The following PCDHGA3 variants were observed in gnomAD, a reference collection of about 807,000 sequenced individuals.
The protein encoded by PCDHGA3 is protocadherin gamma subfamily A, 3, also known as protocadherin gamma-A3.
Under a neutral mutation model 58.5 loss-of-function variants are expected in PCDHGA3, and 40 were observed. The ratio of observed to expected loss-of-function variants is 0.68; its 90% confidence interval spans 0.53 to 0.89. PCDHGA3 has a LOEUF of 0.89. PCDHGA3 is among the 40% of genes least tolerant of loss of function. The probability of loss-of-function intolerance (pLI) is 0.00; values close to 1 mark genes in which losing one functional copy is unlikely to be tolerated. For missense variants in PCDHGA3, 1,223 were observed against 1,195.9 expected, an observed-to-expected ratio of 1.02 and a Z score of -0.33; for synonymous variants, 530 against 525.7, an observed-to-expected ratio of 1.01 and a Z score of -0.11.
At position 141,352,389 on chromosome 5, in the gene PCDHGA3, G is replaced by C. The variant is rs768350578; in HGVS notation, c.2424+5932G>C. On this transcript the variant is annotated intron_variant, in intron 1 of 3. Transcript: ENST00000253812. ...GCGGTGATTCTAGCGATCGCCCTGC[G>C]CCTGCGACGTTCCTCCAGCCTCGAC... The C allele has an allele frequency of 6.2e-6, 10 of 1,613,888 alleles. No homozygotes were observed. The Admixed American group carries it at 1.0e-4, about 16-fold the overall frequency.
intron 1 of PCDHGA3, among the ~76,000 whole-genome samples, chr5:141,444,503 T>C (rs2098438734): frequency 6.6e-6 from 1 of 152,088 alleles, no homozygotes; most frequent in Non-Finnish European, 1.5e-5. Flanking sequence ...AATACTTTGC[T>C]CTAGCAGTAT....
Position 141,432,136 on chromosome 5 carries a change from T to C in PCDHGA3, c.2425-62671T>C, listed in dbSNP as rs766026174. 2 of 1,613,960 alleles carry C rather than the reference T, an allele frequency of 1.2e-6. No individual in the cohort carries two copies. The highest frequency in any genetic ancestry group is 1.7e-5 in the Admixed American group (1 of 59,996). On this transcript the variant is annotated intron_variant, in intron 1 of 3. Transcript: ENST00000253812. The surrounding 1 kb of genome is among the most constrained non-coding windows in gnomAD (Gnocchi z 6.0). ...TCTTCCCTCAGGCCTCCTATTCCGC[T>C]TATATCCCAGAGAACAATCCCAGAG...
intron 1 of PCDHGA3, chr5:141,356,265 A>T: frequency 1.3e-6 from 2 of 1,564,982 alleles, no homozygotes; most frequent in Non-Finnish European, 8.7e-7. Context: ...TCACCAGCTC[A>T]GTCCAGGAAT....
chr5:141,499,582 T>C (rs952280239), intron 2 of PCDHGA3, among the ~76,000 whole-genome samples: 7 of 152,164 alleles, frequency 4.6e-5, no homozygotes, highest in African/African-American at 7.2e-5. Flanking sequence ...TAATGCCTTA[T>C]CTTGTTTCAC....
chr5:141,382,899 T>A, intron 1 of PCDHGA3: 1 of 1,541,826 alleles, frequency 6.5e-7, no homozygotes. Context: ...GCAGGACGAC[T>A]ATGGCGGCTC....
chr5:141,428,224 G>T, intron 1 of PCDHGA3: 1 of 1,164,316 alleles, frequency 8.6e-7, no homozygotes, highest in Non-Finnish European at 1.3e-6. Context: ...AGTCTTCGCA[G>T]ACAGCCTGCA....
At chr5:141,427,814 G>T in intron 1 of PCDHGA3, 2 of 1,526,562 alleles carry the variant, frequency 1.3e-6, no homozygotes, top group South Asian at 2.2e-5. Context: ...CACAGAGCGG[G>T]GTGGTGGTCG....
chr5:141,457,891 T>C (rs2154566084), intron 1 of PCDHGA3, among the ~76,000 whole-genome samples: 1 of 152,346 alleles, frequency 6.6e-6, no homozygotes, highest in South Asian at 2.1e-4. Context: ...GTGTGGGGAC[T>C]GTGTAGACAA....
rs1561491406 is a variant in PCDHGA3 at position 141,346,014 on chromosome 5, A to C, written c.1981A>C (p.Thr661Pro). ...QPPLSATVTL[T>P]VAVADRIPDI... ...CCCTCTCTCCGCCACTGTCACGCTC[A>C]CCGTGGCCGTGGCCGACAGGATCCC... is the stretch of plus-strand genomic sequence containing the variant. The change falls in exon 1 of 4, where the codon ACC (threonine) becomes CCC (proline). Residue 661 changes from threonine to proline, a missense_variant. Transcript: ENST00000253812. 4 of 1,613,178 alleles carry C rather than the reference A, an allele frequency of 2.5e-6. No homozygotes were observed.
At position 141,490,219 on chromosome 5, in the gene PCDHGA3, C is replaced by T. The variant is rs771985398; in HGVS notation, c.2425-4588C>T. 2.5e-5 allele frequency: 41 copies of T among 1,614,094 alleles called. No individual in the cohort carries two copies. The highest frequency in any genetic ancestry group is 3.3e-5 in the Non-Finnish European group (39 of 1,180,038). On this transcript the variant is annotated intron_variant, in intron 1 of 3. Coordinates refer to ENST00000253812, the MANE Select transcript of PCDHGA3 (RefSeq NM_018916.4). This position sits in a 1 kb window ranked among gnomAD's most constrained non-coding sequence, Gnocchi z 5.4. ...TCATGCAAGAGCCCGTGACCAGGGA[C>T]AGCCTGCCATGGAGGGCCACTGTGT... is the stretch of plus-strand genomic sequence containing the variant.
Position 141,419,064 on chromosome 5 carries a change from A to G in PCDHGA3, c.2424+72607A>G, listed in dbSNP as rs149057484. ...ATTCATTCTTCTTCTAATAATTACT[A>G]CAAGCTAGTAACAGATGAGGCCCTG... On this transcript the variant is annotated intron_variant, in intron 1 of 3. Transcript: ENST00000253812. 51 of 1,613,962 alleles carry G rather than the reference A, an allele frequency of 3.2e-5. No homozygotes were observed. In the African/African-American group the frequency reaches 5.9e-4, roughly 19 times the overall value.
intron 1 of PCDHGA3, chr5:141,414,071 A>C: frequency 6.2e-7 from 1 of 1,606,780 alleles, no homozygotes; most frequent in Non-Finnish European, 8.5e-7. Flanking sequence ...TTCCAACTAA[A>C]CAAATATACT....
chr5:141,497,237 T>C (rs933112169), intron 2 of PCDHGA3, among the ~76,000 whole-genome samples: 3 of 152,038 alleles, frequency 2.0e-5, no homozygotes, highest in Non-Finnish European at 4.4e-5. Context: ...AGAAGGCTTC[T>C]AGGAGGAGGT....
chr5:141,407,548 G>A (rs2094952527), intron 1 of PCDHGA3, among the ~76,000 whole-genome samples: 1 of 151,388 alleles, frequency 6.6e-6, no homozygotes, highest in Non-Finnish European at 1.5e-5. Context: ...GTAACAGATT[G>A]TAGAACATAA....
In PCDHGA3 at chr5:141,491,244, T is replaced by G. The variant is rs754328211; in HGVS notation, c.2425-3563T>G. The G allele has an allele frequency of 6.2e-6, 10 of 1,614,092 alleles. No homozygotes were observed. The South Asian group carries it at 1.1e-4, about 18-fold the overall frequency. ...CCACAGTGCTGCTGGTTCTGGAGGA[T>G]GAGGACCCTGAGGAAATGCCCAAAT... On this transcript the variant is annotated intron_variant, in intron 1 of 3. Transcript: ENST00000253812. This position sits in a 1 kb window ranked among gnomAD's most constrained non-coding sequence, Gnocchi z 6.9.
intron 1 of PCDHGA3, among the ~76,000 whole-genome samples, chr5:141,401,525 G>A (rs1055771013): frequency 6.6e-6 from 1 of 152,096 alleles, no homozygotes; most frequent in Non-Finnish European, 1.5e-5. Flanking sequence ...ATTACCAGAA[G>A]AAACTTACAA....
At chr5:141,379,593 AC>A (rs1775703652) in intron 1 of PCDHGA3, 1 of 152,152 alleles carries the variant, frequency 6.6e-6, no homozygotes, top group Non-Finnish European at 1.5e-5. Flanking sequence ...TTCTCTTATT[AC>A]CTGTGACCAT....
chr5:141,418,036 G>T, intron 1 of PCDHGA3: 1 of 1,614,020 alleles, frequency 6.2e-7, no homozygotes, highest in Non-Finnish European at 8.5e-7. Context: ...TTAGTGTCCT[G>T]GATGTGTCGG....
chr5:141,486,909 C>T lies in PCDHGA3; in HGVS notation c.2425-7898C>T, dbSNP rs759702188. ...CGGCCTGGTTCCTTATGTCCCCAAGCACTGCCTCCATCAGTTGGTGCTGGC... is the reference window on the plus strand; with the variant it reads ...CGGCCTGGTTCCTTATGTCCCCAAGTACTGCCTCCATCAGTTGGTGCTGGC... On this transcript the variant is annotated intron_variant, in intron 1 of 3. Transcript: ENST00000253812. This position sits in a 1 kb window ranked among gnomAD's most constrained non-coding sequence, Gnocchi z 5.0. 2 of 1,614,262 alleles carry T rather than the reference C, an allele frequency of 1.2e-6. No homozygotes were observed. Among genetic ancestry groups the T allele is most frequent in the Non-Finnish European group, 1.7e-6 (2 of 1,180,054 alleles).
Sources: allele counts gnomAD v4.1 joint callset (sites outside exome capture counted in the v4.1 genomes callset), GRCh38; gene constraint gnomAD v4.1.1; non-coding constraint Gnocchi (gnomAD v3.1); transcripts MANE v1.5; gene names NCBI Gene and HGNC (gene_info 2026-07-23, HGNC 2026-07-21).